Variants in CPHXL observed in about 807,000 individuals in gnomAD.
CPHXL encodes the protein cytoplasmic polyadenylated homeobox-like protein.
intron 1 of CPHXL, among the ~76,000 whole-genome samples, chr16:75,719,682 G>A (rs1053043503): frequency 6.6e-6 from 1 of 152,182 alleles, no homozygotes; most frequent in African/African-American, 2.4e-5. Context: ...CGGGGGCAGG[G>A]AACAGCCAAA....
At chr16:75,724,237 C>A (rs1959521436) in intron 1 of CPHXL, among the ~76,000 whole-genome samples, 1 of 152,122 alleles carries the variant, frequency 6.6e-6, no homozygotes, top group Non-Finnish European at 1.5e-5. Context: ...GTCTAAAACA[C>A]CAAAAGCAAT....
chr16:75,720,798 T>C lies in CPHXL; in HGVS notation c.26-2340A>G, dbSNP rs1959466565. Among the ~76,000 whole-genome samples the C allele has an allele frequency of 2.0e-5, 3 of 151,990 alleles. No individual in the cohort carries two copies. The East Asian group carries it at 5.8e-4, about 29-fold the overall frequency. On this transcript the variant is annotated intron_variant, in intron 1 of 2. Coordinates refer to ENST00000640559, the MANE Select transcript of CPHXL (RefSeq NM_001355613.1). ...AGAAGAGCAACTCCAAGACACATAA[T>C]TGTCAGATTCACCAAAGTTGAAATG...
At chr16:75,721,645 A>T (rs1272815363) in intron 1 of CPHXL, among the ~76,000 whole-genome samples, 5 of 152,320 alleles carry the variant, frequency 3.3e-5, no homozygotes, top group Admixed American at 1.3e-4. Context: ...CTCCCACAGA[A>T]TAATAATGGG....
chr16:75,717,539 T>C (rs760166908), intron 2 of CPHXL, among the ~76,000 whole-genome samples: 46 of 152,224 alleles, frequency 3.0e-4, no homozygotes, highest in Non-Finnish European at 3.8e-4. Flanking sequence ...ATAACACAAA[T>C]GCTACATAAA....
rs1049429532 is a variant in CPHXL, at chr16:75,715,282, G to A, written c.220-60C>T. On this transcript the variant is annotated intron_variant, in intron 2 of 2. Coordinates refer to ENST00000640559, the MANE Select transcript of CPHXL (RefSeq NM_001355613.1). ...TACTTATCTGAATATATTCTTATATGCATTCCTTAATGTAGGAGGATTTTT... is the reference window on the plus strand; with the variant it reads ...TACTTATCTGAATATATTCTTATATACATTCCTTAATGTAGGAGGATTTTT... 4 of 398,198 alleles carry A rather than the reference G, an allele frequency of 1.0e-5. No homozygotes were observed. The Admixed American group carries it at 1.3e-4, about 13-fold the overall frequency. 24.7% of individuals were successfully genotyped at this position (398,198 alleles called of 1,614,324 possible).
intron 2 of CPHXL, among the ~76,000 whole-genome samples, chr16:75,717,038 A>G (rs1442308960): frequency 2.6e-5 from 4 of 152,174 alleles, no homozygotes; most frequent in Admixed American, 6.5e-5. Flanking sequence ...CATCTTCCAT[A>G]GACTTAAGTC....
intron 1 of CPHXL, among the ~76,000 whole-genome samples, chr16:75,720,086 A>G (rs796867632): frequency 1.3e-5 from 2 of 152,238 alleles, no homozygotes; most frequent in East Asian, 3.9e-4. Context: ...GGACATCCAC[A>G]CTAAAACCCC....
intron 2 of CPHXL, among the ~76,000 whole-genome samples, chr16:75,716,628 CTT>C (rs914050438): frequency 6.6e-6 from 1 of 152,154 alleles, no homozygotes; most frequent in Non-Finnish European, 1.5e-5. Flanking sequence ...AACTCAGTGT[CTT>C]TGTTTTTTTT....
At chr16:75,723,094 T>A (rs563148728) in intron 1 of CPHXL, among the ~76,000 whole-genome samples, 3 of 152,180 alleles carry the variant, frequency 2.0e-5, no homozygotes, top group Non-Finnish European at 4.4e-5. Flanking sequence ...ATTGATGGGA[T>A]GTATCTCAAA....
At chr16:75,725,751 G>GTTTTTT (rs1959548849) in intron 1 of CPHXL, among the ~76,000 whole-genome samples, 2 of 103,182 alleles carry the variant, frequency 1.9e-5, no homozygotes, top group African/African-American at 3.5e-5. Context: ...CGTGCCCGGC[G>GTTTTTT]TCTTTTTTTT....
In CPHXL at chr16:75,718,253, T is replaced by C; in HGVS notation, c.219+12A>G. The C allele has an allele frequency of 2.5e-6, 1 of 398,662 alleles. No individual in the cohort carries two copies. The highest frequency in any genetic ancestry group is 4.4e-6 in the Non-Finnish European group (1 of 226,144). The allele number at this position is 398,662 out of a possible 1,614,324, so 24.7% of individuals were successfully genotyped here. A position where few individuals can be genotyped will look rare whatever the true frequency, so the allele number is the denominator to read the frequency against. Reference sequence around the variant, plus strand: ...AAATCTAGGAAATATACATATGAGGTCTTGAACTTACATCTATCACATTTA... The same window carrying C: ...AAATCTAGGAAATATACATATGAGGCCTTGAACTTACATCTATCACATTTA... On this transcript the variant is annotated intron_variant, in intron 2 of 2. Transcript: ENST00000640559.
At chr16:75,723,805 G>C (rs927431111) in intron 1 of CPHXL, among the ~76,000 whole-genome samples, 1 of 152,146 alleles carries the variant, frequency 6.6e-6, no homozygotes, top group African/African-American at 2.4e-5. Context: ...TCAATCCTAA[G>C]CCAAAAGAAC....
rs142496691 is a variant in CPHXL, at chr16:75,724,110, T to C, written c.25+2308A>G. ...AACTGGATCCCTTCCTTACACTTTATACAAAAATTAATTCAAGATGGATTA... is the reference window on the plus strand; with the variant it reads ...AACTGGATCCCTTCCTTACACTTTACACAAAAATTAATTCAAGATGGATTA... On this transcript the variant is annotated intron_variant, in intron 1 of 2. Transcript: ENST00000640559. 3.7e-3 allele frequency among the ~76,000 whole-genome samples: 560 copies of C among 152,276 alleles called. 2 individuals carry two copies. The highest frequency in any genetic ancestry group is 0.013 in the African/African-American group (524 of 41,530).
chr16:75,726,428 G>A lies in CPHXL; in HGVS notation c.15C>T (p.Gly5=). 1 of 398,622 alleles carries A rather than the reference G, an allele frequency of 2.5e-6. No individual in the cohort carries two copies. Among genetic ancestry groups the A allele is most frequent in the Non-Finnish European group, 4.4e-6 (1 of 226,070 alleles). 24.7% of individuals were successfully genotyped at this position (398,622 alleles called of 1,614,324 possible). Residue 5 remains glycine, a synonymous_variant, in exon 1 of 3, where the codon GGC becomes GGT. Transcript: ENST00000640559. ...CTGATGGGAACTTACCACCTGAAGT[G>A]CCGTCCAAATTCATCTTGGGGTAGA... The part of the protein sequence containing the change: MNLD[G]TSGGFPAEED...
intron 1 of CPHXL, among the ~76,000 whole-genome samples, chr16:75,719,073 A>G (rs1959435422): frequency 6.6e-6 from 1 of 152,208 alleles, no homozygotes; most frequent in Non-Finnish European, 1.5e-5. Context: ...AACATGTATA[A>G]ATATTTGCTA....
In CPHXL at chr16:75,724,005, C is replaced by G. The variant is rs940921915; in HGVS notation, c.25+2413G>C. Among the ~76,000 whole-genome samples the G allele has an allele frequency of 6.1e-4, 93 of 152,248 alleles. 1 individual carries two copies. The highest frequency in any genetic ancestry group is 6.8e-3 in the Middle Eastern group (2 of 294). On this transcript the variant is annotated intron_variant, in intron 1 of 2. Coordinates refer to ENST00000640559, the MANE Select transcript of CPHXL (RefSeq NM_001355613.1). ...ACCATCTGATCTTTGACAAACTTGA[C>G]ACAAACAAGAAATGGGGAAAGGATT... is the stretch of plus-strand genomic sequence containing the variant.
rs1037032681 is a variant in CPHXL, at chr16:75,724,007, C to A, written c.25+2411G>T. On this transcript the variant is annotated intron_variant, in intron 1 of 2. Transcript: ENST00000640559. ...CATCTGATCTTTGACAAACTTGACA[C>A]AAACAAGAAATGGGGAAAGGATTCC... is the stretch of plus-strand genomic sequence containing the variant. 6.2e-4 allele frequency among the ~76,000 whole-genome samples: 94 copies of A among 152,242 alleles called. 1 individual carries two copies. The highest frequency in any genetic ancestry group is 6.8e-3 in the Middle Eastern group (2 of 294).
chr16:75,715,279 T>C, intron 2 of CPHXL, 57 bp from the exon 3 acceptor site: 1 of 398,430 alleles, frequency 2.5e-6, no homozygotes, highest in Non-Finnish European at 4.4e-6. Context: ...TATATTCTTA[T>C]ATGCATTCCT....
chr16:75,725,753 CTTTTTTTTTTTT>C (rs35659823), intron 1 of CPHXL, among the ~76,000 whole-genome samples: 14 of 43,294 alleles, frequency 3.2e-4, no homozygotes, highest in East Asian at 3.4e-3. Context: ...TGCCCGGCGT[CTTTTTTTTTTTT>C]TTTTTTTTTT....
Sources: allele counts gnomAD v4.1 joint callset (sites outside exome capture counted in the v4.1 genomes callset), GRCh38; gene constraint gnomAD v4.1.1; transcripts MANE v1.5; gene names NCBI Gene and HGNC (gene_info 2026-07-23, HGNC 2026-07-21).